SNTG1: variants seen among roughly 807,000 people sequenced by gnomAD.
SNTG1 encodes gamma-1-syntrophin.
In SNTG1, 39 loss-of-function variants were observed where a neutral mutation model predicts 74.7. The observed-to-expected ratio is 0.52, with a 90% CI of 0.40 to 0.68. The LOEUF is 0.68. Among genes scored for constraint, SNTG1 ranks in the 30% least tolerant of loss-of-function variants. SNTG1 has a pLI of 0.00. For missense variants in SNTG1, 685 were observed against 609.5 expected (o/e 1.12, Z -1.30); for synonymous variants, 254 against 217.1 (o/e 1.17, Z -1.49).
chr8:50,208,990 A>G (rs972276898), intron 2 of SNTG1, among the ~76,000 whole-genome samples: 11 of 152,200 alleles, frequency 7.2e-5, no homozygotes, highest in Non-Finnish European at 1.3e-4. Context: ...AGCCAAGGGA[A>G]GCTGTGACAG....
Position 50,663,554 on chromosome 8 carries a change from T to C in SNTG1, c.1038+4891T>C, listed in dbSNP as rs1321678265. Among the ~76,000 whole-genome samples the C allele has an allele frequency of 6.6e-5, 10 of 152,220 alleles. No individual in the cohort carries two copies. The East Asian group carries it at 1.9e-3, about 30-fold the overall frequency. ...ATAGACCAGCCTTCTTGCACCGCTC[T>C]GGTTTGACTCGTTTTGCTCTGATTC... On this transcript the variant is annotated intron_variant, in intron 15 of 18. Coordinates refer to ENST00000642720, the MANE Select transcript of SNTG1 (RefSeq NM_018967.5).
chr8:50,039,985 C>A (rs576774862), intron 1 of SNTG1, among the ~76,000 whole-genome samples: 1 of 152,196 alleles, frequency 6.6e-6, no homozygotes, highest in East Asian at 1.9e-4. Flanking sequence ...GGAAGGTGTC[C>A]AAGGGGCAGT....
rs796170429 is a variant in SNTG1, at chr8:50,121,031, A to G, written c.-102-51530A>G. ...ATTTCATTATCATATCAAGACACTG[A>G]AAGGAAAATATTTATTTATTAGATT... is the stretch of plus-strand genomic sequence containing the variant. On this transcript the variant is annotated intron_variant, in intron 1 of 18. Coordinates refer to ENST00000642720, the MANE Select transcript of SNTG1 (RefSeq NM_018967.5). Among the ~76,000 whole-genome samples the G allele has an allele frequency of 3.2e-4, 45 of 142,184 alleles. 6 individuals carry two copies. The highest frequency in any genetic ancestry group is 1.1e-3 in the African/African-American group (45 of 39,412). The allele number at this position is 142,184 out of a possible 152,430, so 93.3% of individuals were successfully genotyped here.
At chr8:50,256,910 G>A (rs1167501112) in intron 2 of SNTG1, among the ~76,000 whole-genome samples, 1 of 152,118 alleles carries the variant, frequency 6.6e-6, no homozygotes, top group African/African-American at 2.4e-5. Flanking sequence ...AATAATCTGT[G>A]ACATTTGAGC....
rs1419719785 is a variant in SNTG1 at position 50,475,566 on chromosome 8, T to A, written c.363+24837T>A. Among the ~76,000 whole-genome samples, 4 of 152,066 alleles carry A rather than the reference T, an allele frequency of 2.6e-5. 1 individual carries two copies. The highest frequency in any genetic ancestry group is 5.9e-5 in the Non-Finnish European group (4 of 68,014). On this transcript the variant is annotated intron_variant, in intron 8 of 18. Transcript: ENST00000642720. ...GTGTTCCTTCGCATGCTATAGTAGA[T>A]CCCAGTAAAATTCAACCACATCATA...
At chr8:50,029,039 T>C (rs1563494110) in intron 1 of SNTG1, among the ~76,000 whole-genome samples, 2 of 152,154 alleles carry the variant, frequency 1.3e-5, no homozygotes, top group East Asian at 3.9e-4. Flanking sequence ...GTGGCAGATA[T>C]AAGATTTGAA....
intron 1 of SNTG1, among the ~76,000 whole-genome samples, chr8:49,951,315 TG>T (rs1405940468): frequency 2.6e-5 from 4 of 152,202 alleles, no homozygotes; most frequent in Admixed American, 6.5e-5. Flanking sequence ...ATTAAGACAA[TG>T]CCTAGTGGCA....
intron 1 of SNTG1, among the ~76,000 whole-genome samples, chr8:49,981,820 T>G (rs1180356188): frequency 1.3e-5 from 2 of 152,154 alleles, no homozygotes; most frequent in African/African-American, 4.8e-5. Flanking sequence ...AACAAAACAA[T>G]CCTTGCCCTC....
At chr8:50,092,640 A>T (rs1243245608) in intron 1 of SNTG1, among the ~76,000 whole-genome samples, 1 of 152,168 alleles carries the variant, frequency 6.6e-6, no homozygotes, top group East Asian at 1.9e-4. Flanking sequence ...TCAGCCTTGC[A>T]TCATGGATTT....
intron 13 of SNTG1, among the ~76,000 whole-genome samples, chr8:50,656,553 G>A (rs2095182532): frequency 1.3e-5 from 2 of 152,082 alleles, no homozygotes; most frequent in Non-Finnish European, 2.9e-5. Flanking sequence ...TAAAATGTCA[G>A]TAATTGGTAA....
At chr8:50,494,523 A>G (rs1228092490) in intron 8 of SNTG1, among the ~76,000 whole-genome samples, 1 of 152,040 alleles carries the variant, frequency 6.6e-6, no homozygotes, top group Non-Finnish European at 1.5e-5. Flanking sequence ...ATGCTTTTTC[A>G]AAGTAGAACT....
intron 1 of SNTG1, among the ~76,000 whole-genome samples, chr8:50,035,563 G>A (rs1168166907): frequency 1.3e-5 from 2 of 152,162 alleles, no homozygotes; most frequent in African/African-American, 4.8e-5. Flanking sequence ...TCTCACCTTA[G>A]TGTGAAAATG....
At chr8:50,547,106 A>G (rs2623225) in intron 11 of SNTG1, among the ~76,000 whole-genome samples, 33,174 of 151,984 alleles carry the variant, frequency 0.22, 4,724 homozygotes, top group African/African-American at 0.4. Flanking sequence ...CAATGGCAAA[A>G]GTGCTCATAA....
rs182840798 is a variant in SNTG1, at chr8:50,107,635, C to G, written c.-102-64926C>G. 4.2e-3 allele frequency among the ~76,000 whole-genome samples: 641 copies of G among 152,022 alleles called. 20 individuals are homozygous for G. Among genetic ancestry groups the G allele is most frequent in the Admixed American group, 0.038 (574 of 15,254 alleles). ...GCATGATCTTGGCTCACTGAAACCT[C>G]TGCTTCCTAGGTTCAAGCAATTCTC... On this transcript the variant is annotated intron_variant, in intron 1 of 18. Transcript: ENST00000642720.
At chr8:50,489,112 C>T (rs1322275506) in intron 8 of SNTG1, among the ~76,000 whole-genome samples, 1 of 152,082 alleles carries the variant, frequency 6.6e-6, no homozygotes, top group African/African-American at 2.4e-5. Context: ...TGAACTCATC[C>T]TTTTTTATGA....
rs556398148 is a variant in SNTG1, at chr8:50,391,853, A to C, written c.-27-2359A>C. On this transcript the variant is annotated intron_variant, in intron 2 of 18. Transcript: ENST00000642720. Reference sequence around the variant, plus strand: ...TTTACTTCTGAGATCGTCCCCCTCCAAAACCCCATAACCACACTATAATAG... The same window carrying C: ...TTTACTTCTGAGATCGTCCCCCTCCCAAACCCCATAACCACACTATAATAG... Among the ~76,000 whole-genome samples the C allele has an allele frequency of 5.1e-4, 78 of 152,216 alleles. 1 individual carries two copies. The South Asian group carries it at 8.1e-3, about 16-fold the overall frequency.
intron 1 of SNTG1, among the ~76,000 whole-genome samples, chr8:50,039,337 C>A (rs1818427404): frequency 2.6e-5 from 4 of 151,738 alleles, no homozygotes; most frequent in Admixed American, 2.0e-4. Context: ...CGCCTGTAGT[C>A]CCAGCTACTC....
At chr8:50,356,815 T>A (rs2923061) in intron 2 of SNTG1, among the ~76,000 whole-genome samples, 1 of 152,072 alleles carries the variant, frequency 6.6e-6, no homozygotes, top group African/African-American at 2.4e-5. Context: ...TAGCATTTTT[T>A]AGTCTGATTC....
chr8:50,740,985 A>G (rs1433237345), intron 17 of SNTG1, among the ~76,000 whole-genome samples: 1 of 152,014 alleles, frequency 6.6e-6, no homozygotes, highest in Non-Finnish European at 1.5e-5. Flanking sequence ...ACTGAGGCCT[A>G]TCAGAGGACG....
Sources: allele counts gnomAD v4.1 joint callset (sites outside exome capture counted in the v4.1 genomes callset), GRCh38; gene constraint gnomAD v4.1.1; transcripts MANE v1.5; gene names NCBI Gene and HGNC (gene_info 2026-07-23, HGNC 2026-07-21).